The following CNGA1 variants were observed in gnomAD, a reference collection of about 807,000 sequenced individuals.
CNGA1 encodes the protein cyclic nucleotide-gated channel alpha-1.
Under a neutral mutation model 69.7 loss-of-function variants are expected in CNGA1, and 53 were observed. The ratio of observed to expected loss-of-function variants is 0.76; its 90% CI spans 0.61 to 0.96. CNGA1 has a LOEUF of 0.96. Among genes scored for constraint, CNGA1 ranks in the 40% least tolerant of loss-of-function variants. The pLI, the probability that CNGA1 is intolerant of heterozygous loss-of-function variation, is 0.00. For missense variants in CNGA1, 739 were observed against 811.2 expected, an observed-to-expected ratio of 0.91 and a Z score of 1.08; for synonymous variants, 249 against 283.5, an observed-to-expected ratio of 0.88 and a Z score of 1.22.
chr4:47,943,847 C>T (rs1453376031), intron 6 of CNGA1, among the ~76,000 whole-genome samples: 1 of 152,190 alleles, frequency 6.6e-6, no homozygotes, highest in East Asian at 1.9e-4. Context: ...ATAACCCTGA[C>T]TGAAGTCATT....
Position 47,943,178 on chromosome 4 carries a change from TA to T in CNGA1, c.437+2del, listed in dbSNP as rs2110141740. On this transcript the variant is annotated splice_donor_variant, in intron 8 of 10. Transcript: ENST00000514170. LOFTEE classifies it high-confidence loss of function. ...CTATTTCAATGCCACTAAAAGTGCT[TA>T]CTCTTCTTTCTTATCTTTGCTTTTC... 2 of 1,587,106 alleles carry T rather than the reference TA, an allele frequency of 1.3e-6. No homozygotes were observed. The highest frequency in any genetic ancestry group is 2.2e-5 in the South Asian group (2 of 89,976).
chr4:47,968,538 T>C (rs1383439395), intron 3 of CNGA1, among the ~76,000 whole-genome samples: 2 of 152,100 alleles, frequency 1.3e-5, no homozygotes, highest in Non-Finnish European at 2.9e-5. Context: ...AAAGTGTTAG[T>C]AATGTCAAAC....
At chr4:47,969,289 G>T (rs370747929) in intron 3 of CNGA1, among the ~76,000 whole-genome samples, 1 of 151,830 alleles carries the variant, frequency 6.6e-6, no homozygotes, top group Non-Finnish European at 1.5e-5. Context: ...TCCCTTCACC[G>T]AGACAAATTT....
intron 5 of CNGA1, among the ~76,000 whole-genome samples, chr4:47,950,238 G>A (rs1739660452): frequency 6.6e-6 from 1 of 152,148 alleles, no homozygotes; most frequent in Admixed American, 6.5e-5. Context: ...AGGGGTGGGT[G>A]TTGCCCATGC....
intron 6 of CNGA1, among the ~76,000 whole-genome samples, chr4:47,946,909 A>G (rs1739430061): frequency 6.6e-6 from 1 of 151,944 alleles, no homozygotes; most frequent in Non-Finnish European, 1.5e-5. Flanking sequence ...TCAGCCTCCC[A>G]AGTAGCTGGG....
intron 3 of CNGA1, among the ~76,000 whole-genome samples, chr4:47,957,527 G>T (rs1043020799): frequency 3.3e-5 from 5 of 152,154 alleles, no homozygotes; most frequent in African/African-American, 1.2e-4. Context: ...GGCTGAGGCA[G>T]GTGGATCACT....
At chr4:47,969,317 G>A (rs1170600225) in intron 3 of CNGA1, among the ~76,000 whole-genome samples, 1 of 151,692 alleles carries the variant, frequency 6.6e-6, no homozygotes, top group Non-Finnish European at 1.5e-5. Context: ...CATGAGCCAT[G>A]CCCGAATCAC....
Position 47,949,966 on chromosome 4 carries a change from G to A in CNGA1, c.225-71C>T. ...GTATAATGTCCATGGTAGGCAAATGGTCTGAAAAAACAAATTCTTCTCCAT... is the reference window on the plus strand; with the variant it reads ...GTATAATGTCCATGGTAGGCAAATGATCTGAAAAAACAAATTCTTCTCCAT... On this transcript the variant is annotated intron_variant, in intron 5 of 10. Transcript: ENST00000514170. 3 of 1,433,610 alleles carry A rather than the reference G, an allele frequency of 2.1e-6. No homozygotes were observed. In the South Asian group the frequency reaches 3.5e-5, roughly 17 times the overall value. 88.8% of individuals were successfully genotyped at this position (1,433,610 alleles called of 1,614,324 possible).
At chr4:47,954,176 T>C (rs1477707035) in intron 3 of CNGA1, among the ~76,000 whole-genome samples, 1 of 151,912 alleles carries the variant, frequency 6.6e-6, no homozygotes, top group Non-Finnish European at 1.5e-5. Flanking sequence ...AGGAGTTGCG[T>C]CCAGAACGGC....
intron 2 of CNGA1, among the ~76,000 whole-genome samples, chr4:47,985,299 G>T (rs1693013066): frequency 6.6e-6 from 1 of 152,086 alleles, no homozygotes; most frequent in Admixed American, 6.6e-5. Flanking sequence ...TTTTAAAAGT[G>T]GAAGATATAT....
chr4:47,981,705 C>T (rs1413768452), intron 2 of CNGA1, among the ~76,000 whole-genome samples: 1 of 152,062 alleles, frequency 6.6e-6, no homozygotes, highest in Non-Finnish European at 1.5e-5. Context: ...GAGTCTGAGC[C>T]TATTAATATG....
In CNGA1 at chr4:47,943,359, C is replaced by A; in HGVS notation, c.329+12G>T. On this transcript the variant is annotated intron_variant, in intron 7 of 10. Coordinates refer to ENST00000514170, the MANE Select transcript of CNGA1 (RefSeq NM_001379270.1). ...GCAGAAAAATGTGGGGTAATTCTTG[C>A]CAAAGTCTTACCTCTTCTTTTCTTT... The A allele has an allele frequency of 6.5e-7, 1 of 1,535,786 alleles. No individual in the cohort carries two copies. Among genetic ancestry groups the A allele is most frequent in the Non-Finnish European group, 8.8e-7 (1 of 1,138,990 alleles).
chr4:47,975,627 T>G (rs1741307908), intron 3 of CNGA1, among the ~76,000 whole-genome samples: 1 of 152,180 alleles, frequency 6.6e-6, no homozygotes, highest in Non-Finnish European at 1.5e-5. Context: ...ATTCTGTTTT[T>G]GTGCCCTGTT....
rs76093941 is a variant in CNGA1 at position 47,981,093 on chromosome 4, G to A, written c.-15+300C>T. On this transcript the variant is annotated intron_variant, in intron 3 of 10. Coordinates refer to ENST00000514170, the MANE Select transcript of CNGA1 (RefSeq NM_001379270.1). ...AATCAGTATATGACACTTCCTTTGG[G>A]GAAAAACATACCTGTCAAAGGTATT... 2.0e-5 allele frequency among the ~76,000 whole-genome samples: 3 copies of A among 152,036 alleles called. No individual in the cohort carries two copies. In the East Asian group the frequency reaches 5.8e-4, roughly 29 times the overall value.
intron 2 of CNGA1, among the ~76,000 whole-genome samples, chr4:47,994,520 A>G (rs949621769): frequency 6.6e-6 from 1 of 152,082 alleles, no homozygotes; most frequent in African/African-American, 2.4e-5. Flanking sequence ...TTTTGCATGA[A>G]ACGTCTTTTT....
chr4:47,987,893 T>C (rs1432943919), intron 2 of CNGA1, among the ~76,000 whole-genome samples: 1 of 151,926 alleles, frequency 6.6e-6, no homozygotes, highest in East Asian at 1.9e-4. Flanking sequence ...GACAGAACTG[T>C]GTTGGTGTGT....
intron 3 of CNGA1, among the ~76,000 whole-genome samples, chr4:47,954,367 T>C (rs1280186732): frequency 6.6e-6 from 1 of 152,106 alleles, no homozygotes; most frequent in African/African-American, 2.4e-5. Context: ...AGGTTAACAC[T>C]CAGCTGTCCC....
chr4:47,947,977 A>G (rs1298445409), intron 6 of CNGA1, among the ~76,000 whole-genome samples: 1 of 152,240 alleles, frequency 6.6e-6, no homozygotes, highest in Non-Finnish European at 1.5e-5. Flanking sequence ...GTAATCAGTC[A>G]CTTGATGGCA....
At chr4:48,008,891 T>A (rs1715031800) in intron 2 of CNGA1, among the ~76,000 whole-genome samples, 1 of 152,244 alleles carries the variant, frequency 6.6e-6, no homozygotes, top group Non-Finnish European at 1.5e-5. Flanking sequence ...CACTGCCTAA[T>A]GCCACAATAT....
Sources: allele counts gnomAD v4.1 joint callset (sites outside exome capture counted in the v4.1 genomes callset), GRCh38; gene constraint gnomAD v4.1.1; transcripts MANE v1.5; gene names NCBI Gene and HGNC (gene_info 2026-07-23, HGNC 2026-07-21).